The following FGGY variants were observed in gnomAD, a reference collection of about 807,000 sequenced individuals.
The protein encoded by FGGY is FGGY carbohydrate kinase domain containing, also known as FGGY carbohydrate kinase domain-containing protein.
FGGY carries 72 observed loss-of-function variants against 71.3 expected under a neutral mutation model. The observed-to-expected ratio is 1.01, with a 90% CI of 0.84 to 1.23. The LOEUF is 1.23. Among genes scored for constraint, FGGY ranks in the 50% most tolerant of loss-of-function variants. The pLI, the probability that FGGY is intolerant of heterozygous loss-of-function variation, is 0.00. For synonymous variants in FGGY, 251 were observed against 250.3 expected (o/e 1.00, Z -0.02); for missense variants, 668 against 682.3 (o/e 0.98, Z 0.23).
intron 8 of FGGY, among the ~76,000 whole-genome samples, chr1:59,593,999 A>T (rs919931214): frequency 1.3e-5 from 2 of 152,222 alleles, no homozygotes; most frequent in Non-Finnish European, 2.9e-5. Context: ...TAGCTCTGCA[A>T]CCCTGGGGGG....
chr1:59,379,235 G>A (rs1020982760), intron 5 of FGGY, among the ~76,000 whole-genome samples: 5 of 150,506 alleles, frequency 3.3e-5, no homozygotes, highest in African/African-American at 1.2e-4. Flanking sequence ...TTCAGAGAAT[G>A]TGTTGTTAGG....
At chr1:59,661,877 G>C (rs1297359650) in intron 12 of FGGY, among the ~76,000 whole-genome samples, 1 of 151,086 alleles carries the variant, frequency 6.6e-6, no homozygotes, top group African/African-American at 2.4e-5. Flanking sequence ...ATGCCACCAT[G>C]CCCAGCTGAT....
chr1:59,519,520 C>T (rs773875403), intron 7 of FGGY, among the ~76,000 whole-genome samples: 13 of 152,290 alleles, frequency 8.5e-5, no homozygotes, highest in Non-Finnish European at 1.8e-4. Context: ...AATCTAATTA[C>T]GACACTGCTT....
rs562943628 is a variant in FGGY at position 59,689,002 on chromosome 1, G to A, written c.1512+14869G>A. On this transcript the variant is annotated intron_variant, in intron 14 of 15. Transcript: ENST00000303721. ...TGACCTCAGGTGATCTGCCCACCTC[G>A]GCCTCCCAAAGTGCTGGGATGATAG... 3.2e-4 allele frequency among the ~76,000 whole-genome samples: 48 copies of A among 152,214 alleles called. 1 individual carries two copies. Among genetic ancestry groups the A allele is most frequent in the African/African-American group, 9.9e-4 (41 of 41,530 alleles).
chr1:59,555,873 C>T (rs2095677542), intron 8 of FGGY, among the ~76,000 whole-genome samples: 1 of 152,094 alleles, frequency 6.6e-6, no homozygotes, highest in Non-Finnish European at 1.5e-5. Flanking sequence ...TGGTGGCAGG[C>T]ACCTGTAATT....
intron 12 of FGGY, among the ~76,000 whole-genome samples, chr1:59,661,783 G>T (rs114524219): frequency 2.4e-4 from 37 of 151,424 alleles, no homozygotes; most frequent in African/African-American, 7.5e-4. Flanking sequence ...AGAGTGGAGC[G>T]ATCTTGGCTC....
chr1:59,590,772 A>G (rs1252018868), intron 8 of FGGY, among the ~76,000 whole-genome samples: 1 of 152,250 alleles, frequency 6.6e-6, no homozygotes, highest in Non-Finnish European at 1.5e-5. Flanking sequence ...TAAATTAGGT[A>G]TTGATGGGAC....
intron 7 of FGGY, among the ~76,000 whole-genome samples, chr1:59,513,800 G>C (rs2153633610): frequency 6.6e-6 from 1 of 152,272 alleles, no homozygotes; most frequent in South Asian, 2.1e-4. Flanking sequence ...TTAAACAGTA[G>C]AGTGAAGATT....
intron 1 of FGGY, among the ~76,000 whole-genome samples, chr1:59,316,717 A>G (rs528885749): frequency 8.6e-4 from 131 of 152,350 alleles, no homozygotes; most frequent in African/African-American, 3.0e-3. Context: ...AGTCCAGTCC[A>G]TGCTGAGGAC....
rs57398095 is a variant in FGGY at position 59,362,238 on chromosome 1, T to C, written c.465+15840T>C. Among the ~76,000 whole-genome samples, 415 of 152,248 alleles carry C rather than the reference T, an allele frequency of 2.7e-3. 1 individual carries two copies. Among genetic ancestry groups the C allele is most frequent in the African/African-American group, 9.7e-3 (402 of 41,528 alleles). ...TCTTGTTTCATTTTCTTTCCTGTAC[T>C]TCTTCTCTTTTGTCTCCATTTTCCA... is the stretch of plus-strand genomic sequence containing the variant. On this transcript the variant is annotated intron_variant, in intron 4 of 15. Transcript: ENST00000303721.
intron 12 of FGGY, among the ~76,000 whole-genome samples, chr1:59,666,647 G>A (rs1290447944): frequency 7.2e-5 from 11 of 152,166 alleles, no homozygotes; most frequent in Non-Finnish European, 1.6e-4. Flanking sequence ...TGAAAATATG[G>A]TGAAGCCCTG....
rs142007160 is a variant in FGGY, at chr1:59,624,933, T to C, written c.1012-1055T>C. ...CTGTTTAAAAGGAGGCCATGGAAGT[T>C]CAAAACAGTTTAGTGACTTGCACAA... On this transcript the variant is annotated intron_variant, in intron 9 of 15. Transcript: ENST00000303721. Among the ~76,000 whole-genome samples the C allele has an allele frequency of 3.0e-3, 455 of 152,200 alleles. 5 individuals are homozygous for C. The highest frequency in any genetic ancestry group is 0.01 in the African/African-American group (432 of 41,524).
Position 59,460,015 on chromosome 1 carries a change from AGT to A in FGGY, c.670+2942_670+2943del, listed in dbSNP as rs2092040738. 5.3e-5 allele frequency among the ~76,000 whole-genome samples: 8 copies of A among 152,314 alleles called. No individual in the cohort carries two copies. The South Asian group carries it at 1.7e-3, about 32-fold the overall frequency. Reference sequence around the variant, plus strand: ...AAATTCCAAGTCCAGGAAGTTAGTAAGTGTTAAGTGAGAGGCAGAAATGAAGA... The same window carrying A: ...AAATTCCAAGTCCAGGAAGTTAGTAAGTTAAGTGAGAGGCAGAAATGAAGA... On this transcript the variant is annotated intron_variant, in intron 6 of 15. Coordinates refer to ENST00000303721, the MANE Select transcript of FGGY (RefSeq NM_018291.5).
At chr1:59,693,849 A>C (rs745673304) in intron 14 of FGGY, among the ~76,000 whole-genome samples, 18 of 151,942 alleles carry the variant, frequency 1.2e-4, no homozygotes, top group Non-Finnish European at 2.4e-4. Context: ...ACTACAAAAA[A>C]TACAAAAATT....
intron 8 of FGGY, among the ~76,000 whole-genome samples, chr1:59,602,811 C>T (rs757291581): frequency 6.6e-6 from 1 of 152,192 alleles, no homozygotes; most frequent in Non-Finnish European, 1.5e-5. Context: ...GCACTCCTCT[C>T]TTACCTTTTT....
chr1:59,637,111 C>T (rs192243438), intron 10 of FGGY, among the ~76,000 whole-genome samples: 156 of 152,202 alleles, frequency 1.0e-3, no homozygotes, highest in African/African-American at 3.6e-3. Context: ...TGATTTAACC[C>T]GGTGAGGTAG....
chr1:59,489,356 C>A (rs1415488714), intron 6 of FGGY, among the ~76,000 whole-genome samples: 1 of 152,012 alleles, frequency 6.6e-6, no homozygotes. Flanking sequence ...TTTAATAAAT[C>A]TCTCCCTCTT....
At chr1:59,635,444 A>C (rs1026227848) in intron 10 of FGGY, among the ~76,000 whole-genome samples, 29 of 152,268 alleles carry the variant, frequency 1.9e-4, no homozygotes, top group African/African-American at 7.0e-4. Context: ...CGAATCAATA[A>C]TAATTAGGCC....
At chr1:59,536,725 G>T (rs989373426) in intron 7 of FGGY, among the ~76,000 whole-genome samples, 1 of 152,080 alleles carries the variant, frequency 6.6e-6, no homozygotes, top group Admixed American at 6.5e-5. Flanking sequence ...ATATAATCCA[G>T]CATATACAGA....
Sources: gnomAD v4.1 joint callset for allele counts (sites outside exome capture counted in the v4.1 genomes callset) on GRCh38, gnomAD v4.1.1 for gene constraint, MANE v1.5 for transcripts, NCBI Gene and HGNC (gene_info 2026-07-23, HGNC 2026-07-21) for gene names.